Variants in RSPO2 observed in about 807,000 individuals in gnomAD.
RSPO2 encodes the protein R-spondin 2, also known as R-spondin-2.
RSPO2 carries 14 observed loss-of-function variants against 30.9 expected under a neutral mutation model. That is an observed-to-expected ratio of 0.45 (90% CI 0.30 to 0.71). The LOEUF is 0.71. Among genes scored for constraint, RSPO2 ranks in the 30% least tolerant of loss-of-function variants. RSPO2 has a pLI of 0.08. For synonymous variants in RSPO2, 107 were observed against 96.4 expected, an observed-to-expected ratio of 1.11 and a Z score of -0.64; for missense variants, 264 against 301.9, an observed-to-expected ratio of 0.87 and a Z score of 0.93.
In RSPO2 at chr8:108,022,933, CA is replaced by C. The variant is rs71562170; in HGVS notation, c.95-33690del. Among the ~76,000 whole-genome samples the C allele has an allele frequency of 2.1e-4, 27 of 130,364 alleles. 1 individual carries two copies. In the South Asian group the frequency reaches 3.0e-3, roughly 14 times the overall value. 85.5% of individuals were successfully genotyped at this position (130,364 alleles called of 152,430 possible). A position where few individuals can be genotyped will look rare whatever the true frequency, so the allele number is the denominator to read the frequency against. On this transcript the variant is annotated intron_variant, in intron 2 of 5. Transcript: ENST00000276659. ...AGAACAAAACTGTCAAAAAAAAAAA[CA>C]AAAAAAAAAACCACACACACACTCA...
intron 2 of RSPO2, among the ~76,000 whole-genome samples, chr8:107,994,921 A>G (rs978647008): frequency 5.3e-5 from 8 of 152,104 alleles, no homozygotes; most frequent in Admixed American, 1.3e-4. Context: ...TGGCCATTAT[A>G]TTTATAGCAA....
chr8:107,980,599 T>C (rs1814393162), intron 3 of RSPO2, among the ~76,000 whole-genome samples: 1 of 152,206 alleles, frequency 6.6e-6, no homozygotes, highest in South Asian at 2.1e-4. Context: ...TTGAATCCTA[T>C]TACCTTTAGT....
At chr8:108,032,766 G>A (rs73321440) in intron 2 of RSPO2, among the ~76,000 whole-genome samples, 3,056 of 152,014 alleles carry the variant, frequency 0.02, 112 homozygotes, top group African/African-American at 0.069. Flanking sequence ...GAGTAGCTAC[G>A]TCTACAGGAT....
At chr8:108,033,226 C>CA (rs1031870529) in intron 2 of RSPO2, among the ~76,000 whole-genome samples, 9 of 152,032 alleles carry the variant, frequency 5.9e-5, no homozygotes, top group African/African-American at 1.9e-4. Context: ...TATACTGCAG[C>CA]AAAAAATTAT....
At chr8:107,991,950 T>C (rs906167740) in intron 2 of RSPO2, among the ~76,000 whole-genome samples, 1 of 152,140 alleles carries the variant, frequency 6.6e-6, no homozygotes, top group African/African-American at 2.4e-5. Context: ...TGTACATTAG[T>C]TCAACCATTA....
chr8:107,977,229 A>G (rs1054155768), intron 3 of RSPO2, among the ~76,000 whole-genome samples: 4 of 152,236 alleles, frequency 2.6e-5, no homozygotes, highest in African/African-American at 9.6e-5. Context: ...ATTAAATATG[A>G]AGTCTTCTAT....
At chr8:107,991,116 G>A (rs1009345704) in intron 2 of RSPO2, among the ~76,000 whole-genome samples, 2 of 151,962 alleles carry the variant, frequency 1.3e-5, no homozygotes, top group African/African-American at 2.4e-5. Context: ...GCATGGTAGC[G>A]AATGCCTATA....
chr8:108,055,452 A>G (rs1194779653), intron 2 of RSPO2, among the ~76,000 whole-genome samples: 1 of 152,146 alleles, frequency 6.6e-6, no homozygotes. Flanking sequence ...GCTGATTTTC[A>G]TTTTATAAGC....
intron 2 of RSPO2, among the ~76,000 whole-genome samples, chr8:108,037,429 G>A (rs573320439): frequency 6.6e-6 from 1 of 152,136 alleles, no homozygotes; most frequent in Non-Finnish European, 1.5e-5. Flanking sequence ...AGCTAGCAGA[G>A]GTTGGTTCAT....
intron 2 of RSPO2, among the ~76,000 whole-genome samples, chr8:108,071,318 A>G (rs562351039): frequency 2.0e-5 from 3 of 152,362 alleles, no homozygotes; most frequent in East Asian, 3.9e-4. Flanking sequence ...GATTCAGTCA[A>G]GAATCATATC....
At chr8:107,953,419 T>C (rs531765088) in intron 5 of RSPO2, among the ~76,000 whole-genome samples, 43 of 152,298 alleles carry the variant, frequency 2.8e-4, no homozygotes, top group Non-Finnish European at 5.4e-4. Context: ...GGCCAGTGGC[T>C]CAACACTTTG....
intron 5 of RSPO2, among the ~76,000 whole-genome samples, chr8:107,934,169 A>G (rs757624907): frequency 3.3e-5 from 5 of 152,234 alleles, no homozygotes; most frequent in Admixed American, 6.5e-5. Flanking sequence ...TAGCATAATA[A>G]CAAACACAAG....
intron 5 of RSPO2, among the ~76,000 whole-genome samples, chr8:107,940,289 T>C (rs1426203775): frequency 7.3e-6 from 1 of 136,974 alleles, no homozygotes; most frequent in Non-Finnish European, 1.6e-5. Context: ...GTTTCGTAAC[T>C]CCAGCCAAGT....
At chr8:107,973,542 A>T (rs1310974488) in intron 3 of RSPO2, among the ~76,000 whole-genome samples, 2 of 151,268 alleles carry the variant, frequency 1.3e-5, no homozygotes, top group Non-Finnish European at 1.5e-5. Flanking sequence ...TCACACACAC[A>T]CACACACACA....
intron 3 of RSPO2, among the ~76,000 whole-genome samples, chr8:107,972,849 G>A (rs986055178): frequency 1.3e-5 from 2 of 152,132 alleles, no homozygotes; most frequent in African/African-American, 4.8e-5. Context: ...TCAAATCAGA[G>A]CCCACCATTT....
intron 5 of RSPO2, among the ~76,000 whole-genome samples, chr8:107,905,828 AG>A (rs1174620476): frequency 1.6e-4 from 25 of 152,004 alleles, no homozygotes; most frequent in African/African-American, 6.0e-4. Flanking sequence ...GAGTAGCAAG[AG>A]GTATTTATTT....
intron 4 of RSPO2, 123 bp downstream of exon 4, chr8:107,960,551 C>A (rs1813593549): frequency 3.4e-6 from 3 of 894,422 alleles, no homozygotes; most frequent in African/African-American, 3.5e-5. Flanking sequence ...ACTTAATTTT[C>A]AGTTCTACTG....
chr8:107,952,305 ACACACAC>A (rs1563536265), intron 5 of RSPO2, among the ~76,000 whole-genome samples: 12 of 152,082 alleles, frequency 7.9e-5, no homozygotes, highest in South Asian at 4.2e-4. Context: ...ACACACACAC[ACACACAC>A]ACACATATTA....
At chr8:107,982,009 CAAAAAAAAAAAAAA>C (rs372977834) in intron 3 of RSPO2, among the ~76,000 whole-genome samples, 3 of 55,376 alleles carry the variant, frequency 5.4e-5, no homozygotes, top group Admixed American at 2.3e-4. Flanking sequence ...ACAACAACAA[CAAAAAAAAAAAAAA>C]AAAAAAAAAG....
Sources: allele counts gnomAD v4.1 joint callset (sites outside exome capture counted in the v4.1 genomes callset), GRCh38; gene constraint gnomAD v4.1.1; transcripts MANE v1.5; gene names NCBI Gene and HGNC (gene_info 2026-07-23, HGNC 2026-07-21).